IL1RAPL1: variants seen among roughly 807,000 people sequenced by gnomAD.
IL1RAPL1 encodes interleukin-1 receptor accessory protein-like 1.
A neutral mutation model predicts 48.4 loss-of-function variants in IL1RAPL1; 3 were observed. That is an observed-to-expected ratio of 0.06 (90% CI 0.03 to 0.16). The LOEUF (loss-of-function observed/expected upper bound fraction) is 0.16. Among genes scored for constraint, IL1RAPL1 ranks in the 10% least tolerant of loss-of-function variants. IL1RAPL1 has a pLI of 1.00. For missense variants in IL1RAPL1, 349 were observed against 530.6 expected (o/e 0.66, Z 3.36); for synonymous variants, 185 against 187.7 (o/e 0.99, Z 0.12).
At chrX:28,926,118 T>G (rs747568908) in intron 2 of IL1RAPL1, among the ~76,000 whole-genome samples, 3 of 111,817 alleles carry the variant, frequency 2.7e-5, no homozygotes, top group African/African-American at 9.7e-5. Flanking sequence ...TTAAACAAAA[T>G]AGAAAATTTG....
intron 1 of IL1RAPL1, among the ~76,000 whole-genome samples, chrX:28,784,078 C>T (rs1174494535): frequency 8.9e-6 from 1 of 111,765 alleles, no homozygotes; most frequent in Non-Finnish European, 1.9e-5. Flanking sequence ...AAGGTAGTAG[C>T]CAAAGCTTAT....
At chrX:29,376,862 G>A (rs1933630867) in intron 3 of IL1RAPL1, among the ~76,000 whole-genome samples, 1 of 111,953 alleles carries the variant, frequency 8.9e-6, no homozygotes. Context: ...ATGGTTGTTG[G>A]ATGGAGTGTT....
At chrX:29,159,818 TC>T (rs1193557935) in intron 2 of IL1RAPL1, among the ~76,000 whole-genome samples, 1 of 111,907 alleles carries the variant, frequency 8.9e-6, no homozygotes, top group Non-Finnish European at 1.9e-5. Flanking sequence ...TTCAAGTGAT[TC>T]TCCTGCCTTA....
intron 2 of IL1RAPL1, among the ~76,000 whole-genome samples, chrX:28,903,495 C>A (rs1601952011): frequency 9.3e-6 from 1 of 107,585 alleles, no homozygotes; most frequent in East Asian, 3.0e-4. Context: ...ATTTTCGATA[C>A]AAGCCGGGTG....
At chrX:28,639,068 C>G (rs780493046) in intron 1 of IL1RAPL1, among the ~76,000 whole-genome samples, 10 of 111,709 alleles carry the variant, frequency 9.0e-5, no homozygotes, top group African/African-American at 2.9e-4. Flanking sequence ...AAGTGGGACT[C>G]CTTTCCTTTG....
chrX:29,841,647 A>G (rs897359336), intron 6 of IL1RAPL1, among the ~76,000 whole-genome samples: 1 of 111,718 alleles, frequency 9.0e-6, no homozygotes, highest in African/African-American at 3.3e-5. Flanking sequence ...AGATGGACGT[A>G]TACATAGCAA....
chrX:29,890,077 G>T (rs1425375968), intron 6 of IL1RAPL1, among the ~76,000 whole-genome samples: 1 of 110,955 alleles, frequency 9.0e-6, no homozygotes. Context: ...AAACCTCAAG[G>T]CCCAAATAAC....
At chrX:29,709,176 T>C (rs1213497101) in intron 6 of IL1RAPL1, among the ~76,000 whole-genome samples, 3 of 112,088 alleles carry the variant, frequency 2.7e-5, no homozygotes, top group Non-Finnish European at 5.6e-5. Context: ...TTGCTTTCGT[T>C]ACCTGTGCTT....
chrX:29,386,338 A>G (rs6628423), intron 3 of IL1RAPL1, among the ~76,000 whole-genome samples: 1 of 110,499 alleles, frequency 9.0e-6, no homozygotes, highest in Non-Finnish European at 1.9e-5. Context: ...TACACTTTTT[A>G]TTTTTTGATA....
At chrX:29,296,072 C>T (rs1209886664) in intron 3 of IL1RAPL1, among the ~76,000 whole-genome samples, 1 of 111,933 alleles carries the variant, frequency 8.9e-6, no homozygotes, top group African/African-American at 3.2e-5. Flanking sequence ...AAAAAACCTG[C>T]AGGGAAGAAG....
At chrX:29,877,491 T>C (rs1343220678) in intron 6 of IL1RAPL1, among the ~76,000 whole-genome samples, 1 of 112,231 alleles carries the variant, frequency 8.9e-6, no homozygotes. Context: ...ACTACAGCAG[T>C]AATGTTTTTA....
At chrX:29,004,160 A>T (rs1651502692) in intron 2 of IL1RAPL1, among the ~76,000 whole-genome samples, 1 of 112,296 alleles carries the variant, frequency 8.9e-6, no homozygotes, top group Admixed American at 9.5e-5. Context: ...CTAGAAAAAA[A>T]AAAGATGAAG....
intron 2 of IL1RAPL1, among the ~76,000 whole-genome samples, chrX:29,062,325 G>A (rs1156587569): frequency 8.9e-6 from 1 of 112,370 alleles, no homozygotes; most frequent in Non-Finnish European, 1.9e-5. Flanking sequence ...ATTGAAAAGT[G>A]TCATAATGAA....
chrX:29,835,810 T>G (rs930653068), intron 6 of IL1RAPL1, among the ~76,000 whole-genome samples: 4 of 109,409 alleles, frequency 3.7e-5, no homozygotes, highest in African/African-American at 1.3e-4. Flanking sequence ...TAGTCTCTTA[T>G]AATACGTTGT....
intron 6 of IL1RAPL1, among the ~76,000 whole-genome samples, chrX:29,789,309 C>T (rs1298250852): frequency 1.8e-5 from 2 of 111,559 alleles, no homozygotes; most frequent in African/African-American, 6.5e-5. Context: ...TTCATGATGC[C>T]AAGTCACTAA....
chrX:29,025,729 T>G (rs1241092555), intron 2 of IL1RAPL1, among the ~76,000 whole-genome samples: 3 of 111,765 alleles, frequency 2.7e-5, no homozygotes, highest in Non-Finnish European at 5.6e-5. Context: ...TATTTTTCAC[T>G]ACACCACGGT....
At chrX:29,159,579 T>C (rs192615810) in intron 2 of IL1RAPL1, among the ~76,000 whole-genome samples, 188 of 112,213 alleles carry the variant, frequency 1.7e-3, no homozygotes, top group African/African-American at 5.8e-3. Context: ...GTGACACACA[T>C]TTTTGATAGA....
intron 5 of IL1RAPL1, among the ~76,000 whole-genome samples, chrX:29,581,416 C>T (rs1216234067): frequency 9.0e-6 from 1 of 111,685 alleles, no homozygotes; most frequent in African/African-American, 3.3e-5. Flanking sequence ...TGAACTCCAG[C>T]TCTCCTGACT....
intron 2 of IL1RAPL1, among the ~76,000 whole-genome samples, chrX:29,223,145 T>TC (rs1442193635): frequency 9.0e-6 from 1 of 111,350 alleles, no homozygotes; most frequent in African/African-American, 3.3e-5. Flanking sequence ...TATCCTGAAG[T>TC]TTTAAAAAAA....
Sources: gnomAD v4.1 joint callset for allele counts (sites outside exome capture counted in the v4.1 genomes callset) on GRCh38, gnomAD v4.1.1 for gene constraint, MANE v1.5 for transcripts, NCBI Gene and HGNC (gene_info 2026-07-23, HGNC 2026-07-21) for gene names.